The following IQCM variants were observed in gnomAD, a reference collection of about 807,000 sequenced individuals.
The protein encoded by IQCM is IQ domain-containing protein M.
A neutral mutation model predicts 57.6 loss-of-function variants in IQCM; 45 were observed. That is an observed-to-expected ratio of 0.78 (90% CI 0.62 to 1.00). The LOEUF (loss-of-function observed/expected upper bound fraction) is 1.00. Ranked by LOEUF, IQCM falls within the 50% of genes least tolerant of loss-of-function variation. The pLI is 0.00. For synonymous variants in IQCM, 148 were observed against 158.9 expected (o/e 0.93, Z 0.51); for missense variants, 468 against 511.6 (o/e 0.91, Z 0.82).
chr4:149,732,053 A>G (rs549394051), intron 5 of IQCM, among the ~76,000 whole-genome samples: 2 of 152,032 alleles, frequency 1.3e-5, no homozygotes, highest in Non-Finnish European at 2.9e-5. Context: ...GCTCTCTGTC[A>G]TCACTCTCTC....
At chr4:149,370,886 C>T (rs777991108) in intron 13 of IQCM, among the ~76,000 whole-genome samples, 1 of 151,874 alleles carries the variant, frequency 6.6e-6, no homozygotes, top group African/African-American at 2.4e-5. Context: ...TTTGTTAATT[C>T]TTTATAGATA....
At chr4:149,672,338 G>A (rs776616324) in intron 7 of IQCM, among the ~76,000 whole-genome samples, 2 of 152,260 alleles carry the variant, frequency 1.3e-5, no homozygotes, top group African/African-American at 2.4e-5. Context: ...CAAGCTAAAG[G>A]AGGATGTTCG....
chr4:149,636,005 T>G (rs892139631), intron 7 of IQCM, among the ~76,000 whole-genome samples: 1 of 152,196 alleles, frequency 6.6e-6, no homozygotes, highest in African/African-American at 2.4e-5. Flanking sequence ...AAATATCATT[T>G]AAAAATCTTA....
chr4:149,785,947 T>G (rs2150019531), intron 2 of IQCM, among the ~76,000 whole-genome samples: 1 of 152,340 alleles, frequency 6.6e-6, no homozygotes, highest in Non-Finnish European at 1.5e-5. Context: ...ATTCCATTGT[T>G]TCTTCAGTTT....
rs572284683 is a variant in IQCM at position 149,536,493 on chromosome 4, A to G, written c.1228+11962T>C. ...TCTTATCTAGTTAACTCATCTTACA[A>G]TGATTAACTCAAATCCTACCCTCTA... On this transcript the variant is annotated intron_variant, in intron 12 of 13. Coordinates refer to ENST00000636793, the MANE Select transcript of IQCM (RefSeq NM_001363507.2). 1.2e-4 allele frequency among the ~76,000 whole-genome samples: 18 copies of G among 152,098 alleles called. No individual in the cohort carries two copies. In the South Asian group the frequency reaches 3.7e-3, roughly 32 times the overall value.
chr4:149,617,937 C>T (rs1455588182), intron 8 of IQCM, among the ~76,000 whole-genome samples: 1 of 152,130 alleles, frequency 6.6e-6, no homozygotes, highest in Non-Finnish European at 1.5e-5. Context: ...CTGCCCAAGG[C>T]AATGTCTAGA....
chr4:149,659,380 AAT>A (rs774528036), intron 7 of IQCM, among the ~76,000 whole-genome samples: 18 of 152,194 alleles, frequency 1.2e-4, no homozygotes, highest in Non-Finnish European at 1.5e-5. Flanking sequence ...AGGAAGAATC[AAT>A]ATCATGAAAA....
intron 13 of IQCM, among the ~76,000 whole-genome samples, chr4:149,370,058 G>A (rs1379472986): frequency 6.6e-6 from 1 of 151,966 alleles, no homozygotes; most frequent in Non-Finnish European, 1.5e-5. Context: ...ACCACGTCTG[G>A]CAATTTTTTT....
intron 9 of IQCM, among the ~76,000 whole-genome samples, chr4:149,569,243 G>A (rs1394054946): frequency 6.6e-6 from 1 of 152,154 alleles, no homozygotes; most frequent in Non-Finnish European, 1.5e-5. Flanking sequence ...ATAGATAACT[G>A]ATGCATATAC....
At chr4:149,442,736 G>C (rs1395643898) in intron 12 of IQCM, among the ~76,000 whole-genome samples, 1 of 151,812 alleles carries the variant, frequency 6.6e-6, no homozygotes, top group Non-Finnish European at 1.5e-5. Flanking sequence ...ACTTCTTTCT[G>C]AGTCCTTATG....
intron 2 of IQCM, among the ~76,000 whole-genome samples, chr4:149,763,207 T>C (rs1486190516): frequency 6.6e-6 from 1 of 151,936 alleles, no homozygotes. Flanking sequence ...TACCAACTAG[T>C]GTACAGTATA....
At chr4:149,671,932 G>A (rs1761325089) in intron 7 of IQCM, among the ~76,000 whole-genome samples, 2 of 152,164 alleles carry the variant, frequency 1.3e-5, no homozygotes, top group Non-Finnish European at 1.5e-5. Context: ...GCTTCCAGAG[G>A]AAGGATCAGG....
intron 13 of IQCM, among the ~76,000 whole-genome samples, chr4:149,407,097 G>A (rs939354707): frequency 2.6e-5 from 4 of 152,070 alleles, no homozygotes; most frequent in African/African-American, 9.7e-5. Context: ...AAAGCCATCA[G>A]ACTTCGTGAG....
In IQCM at chr4:149,660,722, T is replaced by C. The variant is rs536494066; in HGVS notation, c.565+21396A>G. On this transcript the variant is annotated intron_variant, in intron 7 of 13. Transcript: ENST00000636793. ...TTGGAAATCATCATTCTCAGTAAAC[T>C]ATCGCAAGGACAAAAAACCAAACAC... 1.5e-3 allele frequency among the ~76,000 whole-genome samples: 225 copies of C among 151,792 alleles called. 1 individual carries two copies. The highest frequency in any genetic ancestry group is 5.3e-3 in the African/African-American group (218 of 41,352).
intron 7 of IQCM, among the ~76,000 whole-genome samples, chr4:149,649,012 T>C (rs1399417282): frequency 1.3e-5 from 2 of 152,156 alleles, no homozygotes; most frequent in East Asian, 1.9e-4. Context: ...GCATTGCCAG[T>C]TGGAAATCAT....
intron 2 of IQCM, among the ~76,000 whole-genome samples, chr4:149,745,993 C>T (rs1453909584): frequency 1.3e-5 from 2 of 149,700 alleles, no homozygotes; most frequent in Non-Finnish European, 3.0e-5. Flanking sequence ...AAAGACAAGA[C>T]AAGCCAAGGC....
intron 2 of IQCM, among the ~76,000 whole-genome samples, chr4:149,812,827 G>A (rs1774709449): frequency 6.6e-6 from 1 of 152,072 alleles, no homozygotes; most frequent in South Asian, 2.1e-4. Flanking sequence ...GGCTAATTGT[G>A]TATTTTGCCC....
chr4:149,360,581 T>C (rs1729408260), intron 13 of IQCM, among the ~76,000 whole-genome samples: 1 of 152,132 alleles, frequency 6.6e-6, no homozygotes, highest in Admixed American at 6.5e-5. Context: ...AACTGAATCA[T>C]GGGGGCTGAT....
At chr4:149,674,960 T>C (rs1761624171) in intron 7 of IQCM, among the ~76,000 whole-genome samples, 1 of 152,048 alleles carries the variant, frequency 6.6e-6, no homozygotes, top group Non-Finnish European at 1.5e-5. Flanking sequence ...AGCATATAGG[T>C]GGTCTGGTTA....
Sources: gnomAD v4.1 joint callset for allele counts (sites outside exome capture counted in the v4.1 genomes callset) on GRCh38, gnomAD v4.1.1 for gene constraint, MANE v1.5 for transcripts, NCBI Gene and HGNC (gene_info 2026-07-23, HGNC 2026-07-21) for gene names.